Variants in PTPRD observed in about 807,000 individuals in gnomAD.
The protein encoded by PTPRD is receptor-type tyrosine-protein phosphatase delta.
A neutral mutation model predicts 214.5 loss-of-function variants in PTPRD; 34 were observed. The observed-to-expected ratio is 0.16, with a 90% CI of 0.12 to 0.21. The LOEUF (loss-of-function observed/expected upper bound fraction) is 0.21. Among genes scored for constraint, PTPRD ranks in the 10% least tolerant of loss-of-function variants. The pLI is 1.00. For synonymous variants in PTPRD, 1,128 were observed against 845.7 expected (o/e 1.33, Z -5.79); for missense variants, 2,545 against 2,398.7 (o/e 1.06, Z -1.27).
At chr9:10,186,916 C>T (rs1274410737) in intron 3 of PTPRD, among the ~76,000 whole-genome samples, 5 of 152,036 alleles carry the variant, frequency 3.3e-5, no homozygotes, top group African/African-American at 9.7e-5. Context: ...TATTTAGAAA[C>T]CCCCATGATT....
intron 2 of PTPRD, among the ~76,000 whole-genome samples, chr9:10,542,038 C>T (rs974460528): frequency 6.6e-6 from 1 of 151,968 alleles, no homozygotes; most frequent in Non-Finnish European, 1.5e-5. Context: ...ATGCACGTGG[C>T]CAATTATTTC....
intron 9 of PTPRD, among the ~76,000 whole-genome samples, chr9:9,275,199 T>TATATATATATATA (rs1491465404): frequency 3.8e-4 from 4 of 10,402 alleles, no homozygotes; most frequent in African/African-American, 9.7e-4. Flanking sequence ...TATATATATA[T>TATATATATATATA]TATATATATA....
intron 11 of PTPRD, among the ~76,000 whole-genome samples, chr9:8,921,079 G>T (rs998434210): frequency 2.0e-5 from 3 of 152,176 alleles, no homozygotes. Context: ...CTCCCAAAGT[G>T]TTGGGATTAC....
chr9:10,198,527 G>A (rs745890495), intron 3 of PTPRD, among the ~76,000 whole-genome samples: 13 of 152,250 alleles, frequency 8.5e-5, no homozygotes, highest in Admixed American at 7.9e-4. Flanking sequence ...ATGCCTGAAG[G>A]CATTAGCATT....
chr9:10,285,278 A>AAAAT (rs3076318), intron 3 of PTPRD, among the ~76,000 whole-genome samples: 55,349 of 151,716 alleles, frequency 0.36, 12,895 homozygotes, highest in African/African-American at 0.63. Flanking sequence ...TTCACGTGAG[A>AAAAT]AAATAAAAGT....
At chr9:8,920,467 C>T (rs2098819793) in intron 11 of PTPRD, among the ~76,000 whole-genome samples, 1 of 151,928 alleles carries the variant, frequency 6.6e-6, no homozygotes, top group African/African-American at 2.4e-5. Context: ...ATAAACAAAC[C>T]CAGCCCTTCC....
intron 4 of PTPRD, among the ~76,000 whole-genome samples, chr9:10,014,326 T>C (rs2096658319): frequency 6.6e-6 from 1 of 152,030 alleles, no homozygotes; most frequent in Non-Finnish European, 1.5e-5. Flanking sequence ...AAAGCCCATA[T>C]TCTTTCCACT....
At chr9:8,569,552 G>A (rs754367167) in intron 14 of PTPRD, among the ~76,000 whole-genome samples, 7 of 152,044 alleles carry the variant, frequency 4.6e-5, no homozygotes, top group Non-Finnish European at 8.8e-5. Context: ...AACAATTGGT[G>A]TGTCTACAGT....
chr9:8,509,961 G>C (rs1002421615), intron 21 of PTPRD, among the ~76,000 whole-genome samples: 1 of 152,058 alleles, frequency 6.6e-6, no homozygotes, highest in Non-Finnish European at 1.5e-5. Context: ...AAATGGTTCG[G>C]AGGTTAACTT....
At chr9:10,090,221 C>T (rs759312835) in intron 3 of PTPRD, among the ~76,000 whole-genome samples, 9 of 151,566 alleles carry the variant, frequency 5.9e-5, no homozygotes, top group Non-Finnish European at 1.2e-4. Context: ...TTCTAAACAA[C>T]AGTGTCAAAA....
intron 9 of PTPRD, among the ~76,000 whole-genome samples, chr9:9,294,052 T>C (rs780740244): frequency 2.0e-5 from 3 of 151,628 alleles, no homozygotes; most frequent in African/African-American, 7.3e-5. Context: ...ACAGTTGACC[T>C]GATAACTAAG....
intron 35 of PTPRD, among the ~76,000 whole-genome samples, chr9:8,416,649 G>GA (rs2093960154): frequency 6.6e-6 from 1 of 152,014 alleles, no homozygotes; most frequent in South Asian, 2.1e-4. Flanking sequence ...TTATGACCAG[G>GA]AAAGAATACT....
intron 2 of PTPRD, among the ~76,000 whole-genome samples, chr9:10,574,830 A>C (rs185554951): frequency 4.7e-5 from 7 of 149,170 alleles, no homozygotes; most frequent in African/African-American, 4.9e-5. Context: ...ATATATATAT[A>C]TATCTTAGAT....
chr9:8,439,956 T>TTTG (rs1554971316), intron 34 of PTPRD, among the ~76,000 whole-genome samples: 1 of 108,324 alleles, frequency 9.2e-6, no homozygotes, highest in African/African-American at 3.3e-5. Flanking sequence ...TTTTTTTTTT[T>TTTG]TTTTTTTTTT....
chr9:8,617,575 G>C (rs1312782887), intron 14 of PTPRD, among the ~76,000 whole-genome samples: 1 of 152,040 alleles, frequency 6.6e-6, no homozygotes, highest in Non-Finnish European at 1.5e-5. Context: ...AGCACCTCTT[G>C]TCTAAGTACT....
At chr9:10,481,638 T>G (rs2099098586) in intron 2 of PTPRD, among the ~76,000 whole-genome samples, 1 of 152,142 alleles carries the variant, frequency 6.6e-6, no homozygotes, top group Non-Finnish European at 1.5e-5. Context: ...ATTAAAGAAG[T>G]CATGACAGCC....
chr9:9,473,277 G>A (rs1371386326), intron 8 of PTPRD, among the ~76,000 whole-genome samples: 4 of 152,042 alleles, frequency 2.6e-5, no homozygotes, highest in African/African-American at 9.7e-5. Context: ...TGTCCTCCAG[G>A]TTTACGCATG....
chr9:8,678,543 G>A (rs569072082), intron 12 of PTPRD, among the ~76,000 whole-genome samples: 2 of 152,278 alleles, frequency 1.3e-5, no homozygotes, highest in South Asian at 4.1e-4. Context: ...GCAAAAGACA[G>A]TCCTGCCAAA....
intron 34 of PTPRD, among the ~76,000 whole-genome samples, chr9:8,446,365 A>G (rs537283448): frequency 2.0e-5 from 3 of 152,366 alleles, no homozygotes; most frequent in East Asian, 1.9e-4. Context: ...TTCATTCACA[A>G]GATGACTTTT....
Sources: allele counts gnomAD v4.1 joint callset (sites outside exome capture counted in the v4.1 genomes callset), GRCh38; gene constraint gnomAD v4.1.1; transcripts MANE v1.5; gene names NCBI Gene and HGNC (gene_info 2026-07-23, HGNC 2026-07-21).